LRIG1: variants seen among roughly 807,000 people sequenced by gnomAD.
The protein encoded by LRIG1 is leucine rich repeats and immunoglobulin like domains 1, also known as leucine-rich repeats and immunoglobulin-like domains protein 1.
In LRIG1, 48 loss-of-function variants were observed where a neutral mutation model predicts 99.2. The observed-to-expected ratio is 0.48, with a 90% CI of 0.38 to 0.62. LRIG1 has a LOEUF of 0.62. Among genes scored for constraint, LRIG1 ranks in the 20% least tolerant of loss-of-function variants. The pLI is 0.00. For missense variants in LRIG1, 1,646 were observed against 1,434.4 expected, an observed-to-expected ratio of 1.15 and a Z score of -2.38; for synonymous variants, 772 against 596.1, an observed-to-expected ratio of 1.29 and a Z score of -4.30.
chr3:66,448,145 T>A (rs1703787270), intron 3 of LRIG1, among the ~76,000 whole-genome samples: 2 of 152,218 alleles, frequency 1.3e-5, no homozygotes, highest in Admixed American at 1.3e-4. Flanking sequence ...ATTCCTTTAA[T>A]CAGAAAGTAT....
chr3:66,458,545 T>C (rs1446702865), intron 2 of LRIG1, among the ~76,000 whole-genome samples: 1 of 151,488 alleles, frequency 6.6e-6, no homozygotes, highest in Non-Finnish European at 1.5e-5. Flanking sequence ...CTACTAAAAA[T>C]ACAAAAATTA....
At chr3:66,435,709 T>C (rs1417942346) in intron 3 of LRIG1, among the ~76,000 whole-genome samples, 1 of 152,142 alleles carries the variant, frequency 6.6e-6, no homozygotes, top group African/African-American at 2.4e-5. Flanking sequence ...ATCCTGGTTA[T>C]GAAAAGCTGT....
intron 1 of LRIG1, among the ~76,000 whole-genome samples, chr3:66,488,942 T>A (rs941720597): frequency 6.6e-6 from 1 of 152,214 alleles, no homozygotes; most frequent in African/African-American, 2.4e-5. Context: ...TGGGAAAACA[T>A]GCCTGTAATT....
At chr3:66,410,872 G>A (rs1575670082) in intron 6 of LRIG1, among the ~76,000 whole-genome samples, 1 of 152,354 alleles carries the variant, frequency 6.6e-6, no homozygotes, top group East Asian at 1.9e-4. Flanking sequence ...AGCCAGTAGG[G>A]AAGGGGCTAG....
chr3:66,463,097 T>A (rs369860161), intron 1 of LRIG1, among the ~76,000 whole-genome samples: 3 of 152,272 alleles, frequency 2.0e-5, no homozygotes, highest in East Asian at 1.9e-4. Flanking sequence ...TTAAATATCT[T>A]ACAATGCACA....
intron 3 of LRIG1, among the ~76,000 whole-genome samples, chr3:66,447,870 T>C (rs974239873): frequency 1.3e-5 from 2 of 152,222 alleles, no homozygotes; most frequent in African/African-American, 4.8e-5. Context: ...GAATCGTAAC[T>C]TGAGTGTCCT....
At chr3:66,458,557 C>A (rs1208240158) in intron 2 of LRIG1, among the ~76,000 whole-genome samples, 2 of 151,946 alleles carry the variant, frequency 1.3e-5, no homozygotes, top group Admixed American at 1.3e-4. Flanking sequence ...CAAAAATTAG[C>A]TGGGCGTGGT....
chr3:66,450,134 A>T (rs1703854232), intron 3 of LRIG1, among the ~76,000 whole-genome samples: 1 of 152,310 alleles, frequency 6.6e-6, no homozygotes, highest in East Asian at 1.9e-4. Flanking sequence ...CCCACAAACC[A>T]AGTGGGTACA....
intron 5 of LRIG1, among the ~76,000 whole-genome samples, chr3:66,413,987 G>C (rs898095044): frequency 2.6e-5 from 4 of 151,958 alleles, no homozygotes; most frequent in Non-Finnish European, 5.9e-5. Context: ...AAAAATCAGG[G>C]AAAAAAAGTC....
At chr3:66,397,817 ATTTCACAT>A (rs1701913117) in intron 11 of LRIG1, among the ~76,000 whole-genome samples, 1 of 152,228 alleles carries the variant, frequency 6.6e-6, no homozygotes, top group South Asian at 2.1e-4. Flanking sequence ...AGGAGAGTAT[ATTTCACAT>A]TGCCTAGAAT....
chr3:66,379,911 C>G lies in LRIG1; in HGVS notation c.*352G>C, dbSNP rs200733047. The G allele has an allele frequency of 3.8e-5, 3 of 79,556 alleles. No homozygotes were observed. The highest frequency in any genetic ancestry group is 2.4e-4 in the South Asian group (1 of 4,162). The allele number at this position is 79,556 out of a possible 1,614,324, so 4.9% of individuals were successfully genotyped here. Reference sequence around the variant, plus strand: ...TTAAGGCACCAGAACTATTTCCCCACCCCCTCCAAAATTAAACAGCAACCT... The same window carrying G: ...TTAAGGCACCAGAACTATTTCCCCAGCCCCTCCAAAATTAAACAGCAACCT... On this transcript the variant is annotated 3_prime_UTR_variant, in exon 19 of 19. Coordinates refer to ENST00000273261, the MANE Select transcript of LRIG1 (RefSeq NM_015541.3).
At chr3:66,414,822 A>G in intron 5 of LRIG1, 98 bp downstream of exon 5, 1 of 1,217,706 alleles carries the variant, frequency 8.2e-7, no homozygotes, top group Non-Finnish European at 1.1e-6. Flanking sequence ...TACCAAATGG[A>G]GCAAGGAAAG....
chr3:66,423,432 A>C (rs1041543928), intron 3 of LRIG1, among the ~76,000 whole-genome samples: 1 of 152,110 alleles, frequency 6.6e-6, no homozygotes, highest in Non-Finnish European at 1.5e-5. Context: ...TTAGCCGGGC[A>C]TGGTGGCGCA....
At chr3:66,464,862 T>C (rs995059805) in intron 1 of LRIG1, among the ~76,000 whole-genome samples, 1 of 152,184 alleles carries the variant, frequency 6.6e-6, no homozygotes, top group African/African-American at 2.4e-5. Context: ...TTCAAAAATG[T>C]TATAAAAATT....
chr3:66,482,056 C>A (rs962637805), intron 1 of LRIG1, among the ~76,000 whole-genome samples: 3 of 152,252 alleles, frequency 2.0e-5, no homozygotes, highest in African/African-American at 7.2e-5. Context: ...TTCCTACCAG[C>A]TGTAGGTACC....
intron 3 of LRIG1, among the ~76,000 whole-genome samples, chr3:66,442,519 A>T (rs534208194): frequency 6.6e-6 from 1 of 152,248 alleles, no homozygotes; most frequent in East Asian, 1.9e-4. Context: ...GGCTGGAGCC[A>T]ACCCCTTTCA....
At position 66,413,019 on chromosome 3, in the gene LRIG1, A is replaced by G. The variant is rs768382271; in HGVS notation, c.648-5T>C. ...ATCCTGTTCCGATTGAGGTCCCTAA[A>G]GAGATGAAGCCAGCAGGGTCAGAGT... is the stretch of plus-strand genomic sequence containing the variant. On this transcript the variant is annotated splice_region_variant and splice_polypyrimidine_tract_variant and intron_variant, in intron 5 of 18. Transcript: ENST00000273261. 117 of 1,614,062 alleles carry G rather than the reference A, an allele frequency of 7.2e-5. No individual in the cohort carries two copies. Among genetic ancestry groups the G allele is most frequent in the Non-Finnish European group, 9.6e-5 (113 of 1,180,028 alleles).
chr3:66,459,685 T>C (rs940158155), intron 2 of LRIG1, among the ~76,000 whole-genome samples: 2 of 152,198 alleles, frequency 1.3e-5, no homozygotes, highest in Admixed American at 6.5e-5. Flanking sequence ...CAACTTAATG[T>C]AAACTCAGTG....
intron 12 of LRIG1, among the ~76,000 whole-genome samples, chr3:66,390,221 C>G (rs984050606): frequency 6.6e-6 from 1 of 151,772 alleles, no homozygotes; most frequent in African/African-American, 2.4e-5. Context: ...AAAGAAAATC[C>G]TAAGAAATTT....
Sources: allele counts gnomAD v4.1 joint callset (sites outside exome capture counted in the v4.1 genomes callset), GRCh38; gene constraint gnomAD v4.1.1; transcripts MANE v1.5; gene names NCBI Gene and HGNC (gene_info 2026-07-23, HGNC 2026-07-21).